SLC35F1: variants seen among roughly 807,000 people sequenced by gnomAD.
SLC35F1 encodes the protein chromosome 6 open reading frame 169.
SLC35F1 carries 14 observed loss-of-function variants against 48.7 expected under a neutral mutation model. That is an observed-to-expected ratio of 0.29 (90% CI 0.19 to 0.45). The LOEUF (loss-of-function observed/expected upper bound fraction) is 0.45, where lower values mean the gene tolerates loss of function less well. SLC35F1 is among the 20% of genes least tolerant of loss of function. The pLI, the probability that SLC35F1 is intolerant of heterozygous loss-of-function variation, is 1.00. For missense variants in SLC35F1, 404 were observed against 500.0 expected (o/e 0.81, Z 1.83); for synonymous variants, 190 against 202.2 (o/e 0.94, Z 0.51).
intron 1 of SLC35F1, among the ~76,000 whole-genome samples, chr6:117,976,295 C>T (rs891257094): frequency 6.6e-6 from 1 of 152,176 alleles, no homozygotes; most frequent in African/African-American, 2.4e-5. Flanking sequence ...TCTCTCACCT[C>T]CAAGGTAAAC....
At chr6:118,165,776 T>A (rs1361502379) in intron 2 of SLC35F1, among the ~76,000 whole-genome samples, 7 of 152,224 alleles carry the variant, frequency 4.6e-5, no homozygotes, top group African/African-American at 1.7e-4. Context: ...TTGCCCCTGA[T>A]AACTTCCAGC....
intron 1 of SLC35F1, among the ~76,000 whole-genome samples, chr6:118,149,332 A>G (rs1774020936): frequency 6.6e-6 from 1 of 152,224 alleles, no homozygotes; most frequent in Admixed American, 6.5e-5. Flanking sequence ...ACAGTAAATG[A>G]ACTAAAGAGA....
chr6:118,128,419 C>T lies in SLC35F1; in HGVS notation c.174-26026C>T, dbSNP rs1167513331. 2.0e-5 allele frequency among the ~76,000 whole-genome samples: 3 copies of T among 150,022 alleles called. No individual in the cohort carries two copies. In the East Asian group the frequency reaches 5.8e-4, roughly 29 times the overall value. ...AAGACTTGGAACCAACCCAAATGTC[C>T]AACAATGATAGACTGGATTAAGAAA... On this transcript the variant is annotated intron_variant, in intron 1 of 7. Coordinates refer to ENST00000360388, the MANE Select transcript of SLC35F1 (RefSeq NM_001029858.4).
rs1402539906 is a variant in SLC35F1 at position 118,062,920 on chromosome 6, AG to A, written c.174-91520del. Among the ~76,000 whole-genome samples, 8 of 152,232 alleles carry A rather than the reference AG, an allele frequency of 5.3e-5. No individual in the cohort carries two copies. The South Asian group carries it at 1.4e-3, about 28-fold the overall frequency. ...GAAATAGAGCAAGATATAATTTTTT[AG>A]GGGGTGAGTAATATTTGCTTATAAA... On this transcript the variant is annotated intron_variant, in intron 1 of 7. Coordinates refer to ENST00000360388, the MANE Select transcript of SLC35F1 (RefSeq NM_001029858.4).
chr6:117,977,420 T>C (rs531718427), intron 1 of SLC35F1, among the ~76,000 whole-genome samples: 4 of 152,262 alleles, frequency 2.6e-5, no homozygotes, highest in African/African-American at 9.6e-5. Context: ...CCTTAATTAG[T>C]GCTAAATATT....
intron 3 of SLC35F1, among the ~76,000 whole-genome samples, chr6:118,266,476 C>A (rs283092): frequency 0.07 from 10,698 of 152,126 alleles, 454 homozygotes; most frequent in South Asian, 0.12. Flanking sequence ...AAGAACAGAT[C>A]AATTTTTACT....
At chr6:118,191,563 C>T (rs760480426) in intron 2 of SLC35F1, among the ~76,000 whole-genome samples, 27 of 152,036 alleles carry the variant, frequency 1.8e-4, no homozygotes, top group Non-Finnish European at 2.8e-4. Flanking sequence ...GATTATGAAC[C>T]GAAAGTTCAA....
intron 4 of SLC35F1, among the ~76,000 whole-genome samples, chr6:118,271,527 A>G (rs561218222): frequency 1.3e-5 from 2 of 152,286 alleles, no homozygotes; most frequent in South Asian, 2.1e-4. Context: ...GATGTATTCA[A>G]TGGGATGGAT....
chr6:118,304,019 T>A (rs977406089), intron 7 of SLC35F1, among the ~76,000 whole-genome samples: 2 of 152,208 alleles, frequency 1.3e-5, no homozygotes, highest in Admixed American at 6.5e-5. Context: ...GTAATGTGTA[T>A]AGGCTCCAGG....
chr6:118,186,059 G>T (rs960452750), intron 2 of SLC35F1, among the ~76,000 whole-genome samples: 1 of 152,128 alleles, frequency 6.6e-6, no homozygotes, highest in African/African-American at 2.4e-5. Flanking sequence ...TGAGCAGAGT[G>T]AGTCTTCTCC....
intron 1 of SLC35F1, among the ~76,000 whole-genome samples, chr6:117,958,978 T>C (rs1413321957): frequency 6.6e-6 from 1 of 152,188 alleles, no homozygotes; most frequent in Admixed American, 6.5e-5. Flanking sequence ...GGAATTCCTG[T>C]TTTGGAGAGA....
At chr6:118,115,066 A>G (rs1374155561) in intron 1 of SLC35F1, among the ~76,000 whole-genome samples, 1 of 152,178 alleles carries the variant, frequency 6.6e-6, no homozygotes, top group Non-Finnish European at 1.5e-5. Flanking sequence ...ATCGATCTCT[A>G]TTGTATACAG....
intron 1 of SLC35F1, among the ~76,000 whole-genome samples, chr6:118,028,017 G>T (rs1187209009): frequency 6.6e-6 from 1 of 151,954 alleles, no homozygotes; most frequent in East Asian, 1.9e-4. Flanking sequence ...TAGGCCTGGG[G>T]TTCATTTTTA....
intron 2 of SLC35F1, among the ~76,000 whole-genome samples, chr6:118,208,574 A>C (rs1774965881): frequency 6.6e-6 from 1 of 152,220 alleles, no homozygotes; most frequent in Non-Finnish European, 1.5e-5. Context: ...TTTAGAGTAC[A>C]CAGACTTTTT....
Position 118,212,735 on chromosome 6 carries a change from G to GA in SLC35F1, c.350-22772dup, listed in dbSNP as rs1554236825. Among the ~76,000 whole-genome samples the GA allele has an allele frequency of 6.2e-4, 48 of 77,124 alleles. 1 individual carries two copies. The highest frequency in any genetic ancestry group is 3.2e-3 in the African/African-American group (43 of 13,352). 50.6% of individuals were successfully genotyped at this position (77,124 alleles called of 152,430 possible). ...AAAGGAAGGAAGGAAGGAAAGGAAG[G>GA]AAGGAAGGAAGGAAGGAAGGAAGGA... is the stretch of plus-strand genomic sequence containing the variant. On this transcript the variant is annotated intron_variant, in intron 2 of 7. Coordinates refer to ENST00000360388, the MANE Select transcript of SLC35F1 (RefSeq NM_001029858.4).
At chr6:118,095,958 G>A (rs1345845545) in intron 1 of SLC35F1, among the ~76,000 whole-genome samples, 5 of 152,172 alleles carry the variant, frequency 3.3e-5, no homozygotes, top group African/African-American at 1.2e-4. Flanking sequence ...CCAAGCCATA[G>A]ACTTGGATCT....
chr6:118,051,797 A>T (rs745529508), intron 1 of SLC35F1, among the ~76,000 whole-genome samples: 1 of 152,192 alleles, frequency 6.6e-6, no homozygotes, highest in Non-Finnish European at 1.5e-5. Flanking sequence ...GGGATGCTGG[A>T]GCCCAGCTTG....
At chr6:118,112,092 T>TTTA (rs1562293502) in intron 1 of SLC35F1, among the ~76,000 whole-genome samples, 65 of 22,632 alleles carry the variant, frequency 2.9e-3, no homozygotes, top group African/African-American at 7.2e-3. Context: ...CTTTCTTTTC[T>TTTA]TTTCTTTTCT....
chr6:118,149,247 G>T (rs934431612), intron 1 of SLC35F1, among the ~76,000 whole-genome samples: 16 of 152,054 alleles, frequency 1.1e-4, no homozygotes, highest in Non-Finnish European at 2.4e-4. Context: ...ATAAGGCCAT[G>T]AGGAGTTAGG....
Sources: allele counts gnomAD v4.1 joint callset (sites outside exome capture counted in the v4.1 genomes callset), GRCh38; gene constraint gnomAD v4.1.1; transcripts MANE v1.5; gene names NCBI Gene and HGNC (gene_info 2026-07-23, HGNC 2026-07-21).